Variants in COL26A1 observed in about 807,000 individuals in gnomAD.
The protein encoded by COL26A1 is collagen type XXVI alpha 1 chain.
In COL26A1, 41 loss-of-function variants were observed where a neutral mutation model predicts 59.3. The observed-to-expected ratio is 0.69, with a 90% CI of 0.54 to 0.90. The LOEUF (loss-of-function observed/expected upper bound fraction) is 0.90. Ranked by LOEUF, COL26A1 falls within the 40% of genes least tolerant of loss-of-function variation. The pLI is 0.00. For missense variants in COL26A1, 612 were observed against 602.3 expected (o/e 1.02, Z -0.17); for synonymous variants, 266 against 256.0 (o/e 1.04, Z -0.37).
chr7:101,479,253 C>T (rs1286151256), intron 3 of COL26A1, among the ~76,000 whole-genome samples: 2 of 150,234 alleles, frequency 1.3e-5, no homozygotes, highest in East Asian at 3.9e-4. Context: ...AGAATTATTA[C>T]ATTTTGGACA....
At chr7:101,553,223 C>A in intron 10 of COL26A1, 103 bp from the exon 11 acceptor site, 1 of 1,055,886 alleles carries the variant, frequency 9.5e-7, no homozygotes. Flanking sequence ...GCCCTGCCTG[C>A]CCAGCCTGCC....
intron 2 of COL26A1, among the ~76,000 whole-genome samples, chr7:101,437,003 T>C (rs1792932002): frequency 6.6e-6 from 1 of 152,066 alleles, no homozygotes; most frequent in Non-Finnish European, 1.5e-5. Context: ...CTTGAGCCAC[T>C]CCCAGACTGA....
chr7:101,533,445 T>C (rs1473962834), intron 4 of COL26A1, among the ~76,000 whole-genome samples: 2 of 149,542 alleles, frequency 1.3e-5, no homozygotes, highest in Non-Finnish European at 1.5e-5. Flanking sequence ...GAGGAGGGAG[T>C]CTCTGTCCCT....
chr7:101,548,787 T>C (rs1375147739), intron 8 of COL26A1, among the ~76,000 whole-genome samples: 4 of 151,966 alleles, frequency 2.6e-5, no homozygotes, highest in Non-Finnish European at 5.9e-5. Context: ...GAGGCTGTTA[T>C]AGTAACCCCA....
chr7:101,487,203 G>A (rs1250802359), intron 3 of COL26A1, among the ~76,000 whole-genome samples: 2 of 152,340 alleles, frequency 1.3e-5, no homozygotes, highest in African/African-American at 2.4e-5. Context: ...CTGGAGAAAA[G>A]GACCTTGACC....
chr7:101,448,853 TTCTTC>T (rs1335184390), intron 3 of COL26A1, among the ~76,000 whole-genome samples: 1 of 152,208 alleles, frequency 6.6e-6, no homozygotes, highest in Non-Finnish European at 1.5e-5. Context: ...TCTGACAAAA[TTCTTC>T]TCTTCTCTGT....
At chr7:101,423,044 C>T (rs1312054744) in intron 2 of COL26A1, among the ~76,000 whole-genome samples, 1 of 152,100 alleles carries the variant, frequency 6.6e-6, no homozygotes, top group Non-Finnish European at 1.5e-5. Context: ...GCGGGTGAAT[C>T]ACCTGAGGTC....
intron 1 of COL26A1, among the ~76,000 whole-genome samples, chr7:101,375,943 G>A (rs12539948): frequency 0.43 from 61,532 of 144,288 alleles, 14,515 homozygotes; most frequent in Admixed American, 0.57. Flanking sequence ...CCAAGATCGC[G>A]CCACTGCACT....
At chr7:101,447,989 C>T (rs117817307) in intron 3 of COL26A1, among the ~76,000 whole-genome samples, 2,662 of 152,306 alleles carry the variant, frequency 0.017, 34 homozygotes, top group Non-Finnish European at 0.028. Context: ...CCGTGGGCAC[C>T]GAGGCAGGTC....
intron 3 of COL26A1, among the ~76,000 whole-genome samples, chr7:101,512,075 C>G (rs1794937914): frequency 6.6e-6 from 1 of 152,152 alleles, no homozygotes; most frequent in Non-Finnish European, 1.5e-5. Context: ...GCCCCAGTTA[C>G]CAGAAGCTAA....
At chr7:101,451,352 G>A (rs2130389539) in intron 3 of COL26A1, among the ~76,000 whole-genome samples, 1 of 145,720 alleles carries the variant, frequency 6.9e-6, no homozygotes, top group South Asian at 2.1e-4. Context: ...TTTAAACAAT[G>A]TATGTATTAT....
chr7:101,414,505 T>G (rs886413628), intron 1 of COL26A1, among the ~76,000 whole-genome samples: 4 of 151,904 alleles, frequency 2.6e-5, no homozygotes, highest in African/African-American at 9.7e-5. Flanking sequence ...TGGCACGAAC[T>G]CGGCTCACTG....
intron 3 of COL26A1, among the ~76,000 whole-genome samples, chr7:101,488,718 G>A (rs921676483): frequency 1.2e-4 from 18 of 152,064 alleles, no homozygotes; most frequent in Admixed American, 8.5e-4. Flanking sequence ...GTTAGGTACC[G>A]TCACACTGTC....
intron 3 of COL26A1, among the ~76,000 whole-genome samples, chr7:101,488,078 C>A (rs1794305787): frequency 6.6e-6 from 1 of 151,050 alleles, no homozygotes; most frequent in Non-Finnish European, 1.5e-5. Flanking sequence ...TTCAAGACCA[C>A]CCTGGCCAAC....
chr7:101,547,853 C>T (rs114809997), intron 8 of COL26A1, among the ~76,000 whole-genome samples: 2,433 of 152,070 alleles, frequency 0.016, 61 homozygotes, highest in African/African-American at 0.056. Context: ...TCATTCATTT[C>T]TCTGTGCGTC....
chr7:101,506,325 G>A (rs967471639), intron 3 of COL26A1, among the ~76,000 whole-genome samples: 1 of 152,236 alleles, frequency 6.6e-6, no homozygotes, highest in African/African-American at 2.4e-5. Context: ...ACGCTGAAAA[G>A]CACATTAAAA....
intron 1 of COL26A1, among the ~76,000 whole-genome samples, chr7:101,396,822 G>T (rs907493613): frequency 6.6e-6 from 1 of 152,194 alleles, no homozygotes; most frequent in African/African-American, 2.4e-5. Flanking sequence ...TTGGGGACAA[G>T]GGTTTGATGT....
rs1362402552 is a variant in COL26A1, at chr7:101,540,060, G to C, written c.604+11G>C. ...CCACGGGCCCAGCCGGTGAGTGAGG[G>C]CTGCAGAGAGGACAGGCTGGGGCAG... On this transcript the variant is annotated intron_variant, in intron 5 of 12. Coordinates refer to ENST00000313669, the MANE Select transcript of COL26A1 (RefSeq NM_001278563.3). 6.2e-7 allele frequency: 1 copy of C among 1,608,640 alleles called. No homozygotes were observed. The highest frequency in any genetic ancestry group is 1.7e-5 in the Admixed American group (1 of 59,262).
chr7:101,372,774 T>C (rs1335876429), intron 1 of COL26A1, among the ~76,000 whole-genome samples: 2 of 152,156 alleles, frequency 1.3e-5, no homozygotes, highest in Admixed American at 6.5e-5. Flanking sequence ...GGTGGGAGGA[T>C]TGCTTGAGCT....
Sources: allele counts gnomAD v4.1 joint callset (sites outside exome capture counted in the v4.1 genomes callset), GRCh38; gene constraint gnomAD v4.1.1; transcripts MANE v1.5; gene names NCBI Gene and HGNC (gene_info 2026-07-23, HGNC 2026-07-21).